The following RILPL1 variants were observed in gnomAD, a reference collection of about 807,000 sequenced individuals.
RILPL1 encodes the protein Rab interacting lysosomal protein like 1, also known as RILP-like protein 1.
RILPL1 carries 33 observed loss-of-function variants against 50.3 expected under a neutral mutation model. The ratio of observed to expected loss-of-function variants is 0.66; its 90% confidence interval spans 0.50 to 0.88. The LOEUF is 0.88. Among genes scored for constraint, RILPL1 ranks in the 40% least tolerant of loss-of-function variants. RILPL1 has a pLI of 0.00. For synonymous variants in RILPL1, 205 were observed against 228.6 expected (o/e 0.90, Z 0.93); for missense variants, 418 against 542.5 (o/e 0.77, Z 2.28).
intron 2 of RILPL1, chr12:123,518,499 C>T (rs61953533): frequency 1.5e-5 from 2 of 132,734 alleles, no homozygotes; most frequent in East Asian, 2.1e-4. Flanking sequence ...AGAGACCTGT[C>T]CAAAAAAAAA....
rs1266721959 is a variant in RILPL1, at chr12:123,489,209, G to A, written c.802-3404C>T. 6.6e-6 allele frequency among the ~76,000 whole-genome samples: 1 copy of A among 152,152 alleles called. No individual in the cohort carries two copies. The highest frequency in any genetic ancestry group is 1.5e-5 in the Non-Finnish European group (1 of 68,024). ...GGAACAGAGTCAGACAGATGGGGCTGAAGAGAAGATACACATAAATAGAAG... is the reference window on the plus strand; with the variant it reads ...GGAACAGAGTCAGACAGATGGGGCTAAAGAGAAGATACACATAAATAGAAG... On this transcript the variant is annotated intron_variant, in intron 4 of 6. Coordinates refer to ENST00000376874, the MANE Select transcript of RILPL1 (RefSeq NM_178314.5). This position sits in a 1 kb window ranked among gnomAD's most constrained non-coding sequence, Gnocchi z 4.0.
Position 123,499,474 on chromosome 12 carries a change from C to T in RILPL1, c.523G>A (p.Asp175Asn), listed in dbSNP as rs778908254. ...TCCCTGTCCTTGGCGCGGATCTCGT[C>T]GCGTTGTTTGTCCACCACCTCCTTC... ...KLKEVVDKQR[D>N]EIRAKDRELG... The change falls in exon 3 of 7, where the codon GAC becomes AAC. Residue 175 changes from aspartate to asparagine, a missense_variant. Asp to Asn is a conservative substitution (Grantham distance 23). Coordinates refer to ENST00000376874, the MANE Select transcript of RILPL1 (RefSeq NM_178314.5). 8.7e-6 allele frequency: 14 copies of T among 1,613,822 alleles called. No individual in the cohort carries two copies. Among genetic ancestry groups the T allele is most frequent in the East Asian group, 2.2e-5 (1 of 44,894 alleles).
At chr12:123,477,336 T>C (rs1881663473) in intron 6 of RILPL1, among the ~76,000 whole-genome samples, 1 of 127,408 alleles carries the variant, frequency 7.8e-6, no homozygotes, top group Non-Finnish European at 1.6e-5. Flanking sequence ...TTTCTTTCTT[T>C]CTTTTTTTTT....
chr12:123,494,663 C>T (rs927945739), intron 4 of RILPL1, among the ~76,000 whole-genome samples: 7 of 152,156 alleles, frequency 4.6e-5, no homozygotes, highest in African/African-American at 1.7e-4. Context: ...GTGGCGACCG[C>T]ACCACCCTCA....
At chr12:123,511,803 GGTGT>G (rs1427022646) in intron 2 of RILPL1, among the ~76,000 whole-genome samples, 1 of 127,708 alleles carries the variant, frequency 7.8e-6, no homozygotes, top group East Asian at 2.5e-4. Flanking sequence ...GTCTGTGTGT[GGTGT>G]GTGAGGTCTG....
Position 123,525,920 on chromosome 12 carries a change from A to AAAAC in RILPL1, c.310-2279_310-2276dup, listed in dbSNP as rs149762500. On this transcript the variant is annotated intron_variant, in intron 1 of 6. Coordinates refer to ENST00000376874, the MANE Select transcript of RILPL1 (RefSeq NM_178314.5). The stretch of plus-strand genomic sequence containing the variant: ...AGCTGGTAGCCCTCCACCCCCGCAA[A>AAAAC]AAACAAACAAACAAACAAACAAACA... 2.6e-3 allele frequency among the ~76,000 whole-genome samples: 393 copies of AAAAC among 151,482 alleles called. 3 individuals are homozygous for AAAAC. The highest frequency in any genetic ancestry group is 0.019 in the Admixed American group (282 of 15,178).
intron 1 of RILPL1, among the ~76,000 whole-genome samples, chr12:123,531,916 T>C (rs1885452815): frequency 2.0e-5 from 3 of 152,104 alleles, no homozygotes; most frequent in Admixed American, 2.0e-4. Flanking sequence ...CAGAGTGACC[T>C]CGGAAATGCT....
rs183560533 is a variant in RILPL1, at chr12:123,509,051, C to A, written c.461-9515G>T. 1.2e-3 allele frequency among the ~76,000 whole-genome samples: 180 copies of A among 152,092 alleles called. 2 individuals carry two copies. The highest frequency in any genetic ancestry group is 4.0e-3 in the African/African-American group (164 of 41,500). On this transcript the variant is annotated intron_variant, in intron 2 of 6. Coordinates refer to ENST00000376874, the MANE Select transcript of RILPL1 (RefSeq NM_178314.5). Reference sequence around the variant, plus strand: ...AATAATACAAAAATGAGCTGGAAATCGCTTCAACTCAGGAGGCAGAGGTTG... The same window carrying A: ...AATAATACAAAAATGAGCTGGAAATAGCTTCAACTCAGGAGGCAGAGGTTG...
intron 2 of RILPL1, among the ~76,000 whole-genome samples, chr12:123,514,874 T>C (rs943264534): frequency 6.6e-6 from 1 of 152,186 alleles, no homozygotes; most frequent in African/African-American, 2.4e-5. Flanking sequence ...GTTATCTGTA[T>C]ATTACATGAA....
At chr12:123,519,416 A>C (rs1011561492) in intron 2 of RILPL1, 1 of 152,226 alleles carries the variant, frequency 6.6e-6, no homozygotes, top group Non-Finnish European at 1.5e-5. Flanking sequence ...TTTAATCTGG[A>C]GACTTCCGGG....
chr12:123,485,527 C>T lies in RILPL1; in HGVS notation c.974+106G>A. On this transcript the variant is annotated intron_variant, in intron 5 of 6. Transcript: ENST00000376874. The surrounding 1 kb of genome is among the most constrained non-coding windows in gnomAD (Gnocchi z 4.0). ...CCAGAGAGGGTACCCAAAAAAAACA[C>T]TGATGAAATGCTTGTCTTCCAGGGG... The T allele has an allele frequency of 1.8e-6, 2 of 1,086,558 alleles. No individual in the cohort carries two copies. The highest frequency in any genetic ancestry group is 2.7e-6 in the Non-Finnish European group (2 of 751,080). The allele number at this position is 1,086,558 out of a possible 1,614,324, so 67.3% of individuals were successfully genotyped here. A position where few individuals can be genotyped will look rare whatever the true frequency, so the allele number is the denominator to read the frequency against.
chr12:123,493,010 C>T (rs181598870), intron 4 of RILPL1, among the ~76,000 whole-genome samples: 85 of 152,272 alleles, frequency 5.6e-4, no homozygotes, highest in Non-Finnish European at 1.0e-3. Flanking sequence ...GACTGTCCCC[C>T]AGCCCGACAC....
intron 6 of RILPL1, among the ~76,000 whole-genome samples, chr12:123,478,952 C>G (rs1224063168): frequency 2.0e-5 from 3 of 152,216 alleles, no homozygotes; most frequent in Non-Finnish European, 1.5e-5. Flanking sequence ...ACAAACTATT[C>G]TTGGAACATC....
At chr12:123,505,652 G>A (rs1052704531) in intron 2 of RILPL1, among the ~76,000 whole-genome samples, 34 of 150,164 alleles carry the variant, frequency 2.3e-4, no homozygotes, top group African/African-American at 7.9e-4. Context: ...TTTGACCCAG[G>A]GTCTCTGTCA....
chr12:123,511,507 T>G (rs1444266963), intron 2 of RILPL1, among the ~76,000 whole-genome samples: 1 of 140,910 alleles, frequency 7.1e-6, no homozygotes, highest in Non-Finnish European at 1.5e-5. Context: ...GTGTATGTGG[T>G]GTGTCTGAGG....
chr12:123,475,456 C>T (rs1048499044), intron 6 of RILPL1: 5 of 574,102 alleles, frequency 8.7e-6, no homozygotes, highest in African/African-American at 3.7e-5. Flanking sequence ...GTGACAGAGC[C>T]GAGAATTCTG....
chr12:123,510,348 G>A (rs1411610993), intron 2 of RILPL1, among the ~76,000 whole-genome samples: 1 of 152,188 alleles, frequency 6.6e-6, no homozygotes, highest in East Asian at 1.9e-4. Flanking sequence ...GGCGACCCTT[G>A]GGCATGTGGG....
intron 1 of RILPL1, among the ~76,000 whole-genome samples, chr12:123,527,812 C>T (rs1885313680): frequency 6.6e-6 from 1 of 152,026 alleles, no homozygotes; most frequent in Admixed American, 6.6e-5. Context: ...ACGCTGCTGG[C>T]TTTGAAGATG....
At chr12:123,487,283 G>A (rs568759510) in intron 4 of RILPL1, among the ~76,000 whole-genome samples, 10 of 151,308 alleles carry the variant, frequency 6.6e-5, no homozygotes, top group South Asian at 6.3e-4. Flanking sequence ...GTTCATCCAC[G>A]TTGCAGCACA....
Sources: allele counts gnomAD v4.1 joint callset (sites outside exome capture counted in the v4.1 genomes callset), GRCh38; gene constraint gnomAD v4.1.1; non-coding constraint Gnocchi (gnomAD v3.1); transcripts MANE v1.5; gene names NCBI Gene and HGNC (gene_info 2026-07-23, HGNC 2026-07-21).